DNAH5: variants seen among roughly 807,000 people sequenced by gnomAD.
The protein encoded by DNAH5 is dynein axonemal heavy chain 5.
A neutral mutation model predicts 518.2 loss-of-function variants in DNAH5; 372 were observed. That is an observed-to-expected ratio of 0.72 (90% CI 0.66 to 0.78). The LOEUF (loss-of-function observed/expected upper bound fraction) is 0.78, where lower values mean the gene tolerates loss of function less well. Among genes scored for constraint, DNAH5 ranks in the 30% least tolerant of loss-of-function variants. The pLI, the probability that DNAH5 is intolerant of heterozygous loss-of-function variation, is 0.00. For missense variants in DNAH5, 5,523 were observed against 5,687.0 expected (o/e 0.97, Z 0.93); for synonymous variants, 2,039 against 2,025.9 (o/e 1.01, Z -0.17).
At position 13,751,068 on chromosome 5, in the gene DNAH5, C is replaced by T. The variant is rs1561171849; in HGVS notation, c.11211+10G>A. On this transcript the variant is annotated intron_variant, in intron 65 of 78. Transcript: ENST00000265104. ...CAATGCAGAATGGGAGGGAGCCACA[C>T]TTCACTCACCTGCTTCTCTGTGAGA... 6.2e-7 allele frequency: 1 copy of T among 1,613,726 alleles called. No homozygotes were observed. The highest frequency in any genetic ancestry group is 8.5e-7 in the Non-Finnish European group (1 of 1,179,742).
In DNAH5 at chr5:13,753,361, G is replaced by T. The variant is rs886540492; in HGVS notation, c.10744C>A (p.Pro3582Thr). 9 of 1,613,900 alleles carry T rather than the reference G, an allele frequency of 5.6e-6. No homozygotes were observed. Among genetic ancestry groups the T allele is most frequent in the Non-Finnish European group, 7.6e-6 (9 of 1,179,860 alleles). ...TISEWNLQGL[P>T]NDDLSIQNGI... Reference sequence around the variant, plus strand: ...TTTTGAATGGACAAGTCATCATTTGGCAGACCTTGGAGGTTCCATTCACTA... The same window carrying T: ...TTTTGAATGGACAAGTCATCATTTGTCAGACCTTGGAGGTTCCATTCACTA... Residue 3582 changes from proline to threonine, a missense_variant, in exon 63 of 79, where the codon CCA becomes ACA. Pro to Thr is a conservative substitution (Grantham distance 38, BLOSUM62 -1). This residue lies in a region of DNAH5 where 5,121 missense variants were observed against 5,223.3 expected (regional missense o/e 0.98). Transcript: ENST00000265104.
At chr5:13,865,948 C>A in intron 26 of DNAH5, 42 bp from the exon 27 acceptor site, 1 of 1,273,700 alleles carries the variant, frequency 7.9e-7, no homozygotes, top group Non-Finnish European at 1.1e-6. Flanking sequence ...ATGATTTATA[C>A]ATGATCAACA....
intron 78 of DNAH5, among the ~76,000 whole-genome samples, chr5:13,697,303 C>T (rs62341618): frequency 0.02 from 3,093 of 152,264 alleles, 52 homozygotes; most frequent in Non-Finnish European, 0.033. Flanking sequence ...AGTATGCTTG[C>T]CTAAGCCCAG....
chr5:13,998,175 CAAGA>C (rs1194392369), intron 1 of DNAH5, among the ~76,000 whole-genome samples: 1 of 152,136 alleles, frequency 6.6e-6, no homozygotes, highest in Non-Finnish European at 1.5e-5. Context: ...CTGTAAAGTC[CAAGA>C]TCAAGATGCT....
chr5:13,925,680 C>T (rs1173847399), intron 3 of DNAH5, among the ~76,000 whole-genome samples: 4 of 152,118 alleles, frequency 2.6e-5, no homozygotes, highest in East Asian at 1.9e-4. Flanking sequence ...AGGAAAGACC[C>T]GCCTCCATAA....
intron 1 of DNAH5, among the ~76,000 whole-genome samples, chr5:13,987,038 A>G (rs1357974047): frequency 1.3e-5 from 2 of 151,904 alleles, no homozygotes; most frequent in Non-Finnish European, 1.5e-5. Flanking sequence ...GCAAGGGAAA[A>G]TTCTCCTTCC....
chr5:14,005,896 A>C (rs1396717824), intron 1 of DNAH5, among the ~76,000 whole-genome samples: 1 of 152,198 alleles, frequency 6.6e-6, no homozygotes, highest in Non-Finnish European at 1.5e-5. Context: ...TGGCAGAATG[A>C]AGGAGGCAGC....
intron 68 of DNAH5, among the ~76,000 whole-genome samples, chr5:13,734,016 CAT>C (rs1431213623): frequency 6.6e-6 from 1 of 152,018 alleles, no homozygotes; most frequent in Non-Finnish European, 1.5e-5. Flanking sequence ...CCCCAAAACT[CAT>C]ATGTTGAAAC....
At chr5:13,750,105 T>C (rs1037253919) in intron 65 of DNAH5, among the ~76,000 whole-genome samples, 1 of 151,922 alleles carries the variant, frequency 6.6e-6, no homozygotes, top group Admixed American at 6.6e-5. Flanking sequence ...GAGAAAGAGA[T>C]AGACATGTGG....
intron 65 of DNAH5, among the ~76,000 whole-genome samples, chr5:13,746,975 G>C (rs1056245752): frequency 2.0e-5 from 3 of 151,874 alleles, no homozygotes; most frequent in Non-Finnish European, 4.4e-5. Context: ...TGCCATGTTG[G>C]TGTGCTGCAC....
rs982369646 is a variant in DNAH5, at chr5:13,716,751, C to A, written c.12706-61G>T. 3 of 1,107,982 alleles carry A rather than the reference C, an allele frequency of 2.7e-6. No homozygotes were observed. The East Asian group carries it at 7.5e-5, about 28-fold the overall frequency. The allele number at this position is 1,107,982 out of a possible 1,614,324, so 68.6% of individuals were successfully genotyped here. A position where few individuals can be genotyped will look rare whatever the true frequency, so the allele number is the denominator to read the frequency against. ...CTACCGTTGCATTATTATTTCCCTG[C>A]CAAGTCACACCCATGTATTCACTTT... is the stretch of plus-strand genomic sequence containing the variant. On this transcript the variant is annotated intron_variant, in intron 73 of 78. Coordinates refer to ENST00000265104, the MANE Select transcript of DNAH5 (RefSeq NM_001369.3).
chr5:13,737,251 C>G lies in DNAH5; in HGVS notation c.11455+1G>C. ...CATTTGTCTTTCATTACCAAACTCACCAGGTCTGTATTCCTCCCGGGCTGA... is the reference window on the plus strand; with the variant it reads ...CATTTGTCTTTCATTACCAAACTCAGCAGGTCTGTATTCCTCCCGGGCTGA... On this transcript the variant is annotated splice_donor_variant, in intron 66 of 78. Coordinates refer to ENST00000265104, the MANE Select transcript of DNAH5 (RefSeq NM_001369.3). LOFTEE classifies it high-confidence loss of function. The G allele has an allele frequency of 1.2e-6, 2 of 1,614,044 alleles. No individual in the cohort carries two copies. The highest frequency in any genetic ancestry group is 1.7e-6 in the Non-Finnish European group (2 of 1,179,958).
intron 71 of DNAH5, 64 bp downstream of exon 71, chr5:13,720,936 G>T (rs1052163685): frequency 6.2e-7 from 1 of 1,605,950 alleles, no homozygotes; most frequent in African/African-American, 1.3e-5. Flanking sequence ...TTTTTCTTCT[G>T]CATTGCTATT....
At chr5:13,807,960 T>C (rs908973353) in intron 46 of DNAH5, among the ~76,000 whole-genome samples, 5 of 152,010 alleles carry the variant, frequency 3.3e-5, no homozygotes, top group African/African-American at 1.2e-4. Context: ...CCAGGTGTGG[T>C]AGCTCACACC....
chr5:13,884,745 A>C (rs1772149890), intron 19 of DNAH5, among the ~76,000 whole-genome samples: 1 of 152,236 alleles, frequency 6.6e-6, no homozygotes, highest in East Asian at 1.9e-4. Context: ...GCTAAGCTGG[A>C]GAATCACTTG....
intron 61 of DNAH5, among the ~76,000 whole-genome samples, chr5:13,757,874 T>C (rs909610267): frequency 6.6e-6 from 1 of 152,134 alleles, no homozygotes; most frequent in Non-Finnish European, 1.5e-5. Flanking sequence ...TAAACTCTTT[T>C]ATTGGGACCC....
In DNAH5 at chr5:13,810,066, C is replaced by A. The variant is rs770309996; in HGVS notation, c.7602G>T (p.Ala2534=). ...ACGGGCAGGTGTCCTCACCATCGGG[C>A]GCCACATAGTAGTCGAAGGCGGTGT... ...PGDTAFDYYV[A]PDGTWTHWNT... is the part of the protein sequence containing the mutation. Residue 2534 remains alanine (A), a synonymous_variant, in exon 45 of 79, where the codon GCG becomes GCT. Coordinates refer to ENST00000265104, the MANE Select transcript of DNAH5 (RefSeq NM_001369.3). 5.8e-6 allele frequency: 9 copies of A among 1,552,136 alleles called. No homozygotes were observed. The East Asian group carries it at 1.9e-4, about 33-fold the overall frequency.
intron 65 of DNAH5, among the ~76,000 whole-genome samples, chr5:13,748,547 T>C (rs1749747587): frequency 6.6e-6 from 1 of 152,204 alleles, no homozygotes; most frequent in Non-Finnish European, 1.5e-5. Context: ...TATCCTCTTT[T>C]ATTTCGTTTA....
intron 12 of DNAH5, among the ~76,000 whole-genome samples, chr5:13,907,129 A>G (rs1240546569): frequency 6.6e-6 from 1 of 152,176 alleles, no homozygotes; most frequent in Admixed American, 6.5e-5. Flanking sequence ...CATCTGTCAA[A>G]TTAGAATCTA....
Sources: allele counts gnomAD v4.1 joint callset (sites outside exome capture counted in the v4.1 genomes callset), GRCh38; gene constraint gnomAD v4.1.1; regional missense constraint gnomAD v4.1.1; transcripts MANE v1.5; gene names NCBI Gene and HGNC (gene_info 2026-07-23, HGNC 2026-07-21).